Variants in IQCM observed in about 807,000 individuals in gnomAD.
IQCM encodes the protein IQ motif containing M.
IQCM carries 45 observed loss-of-function variants against 57.6 expected under a neutral mutation model. The observed-to-expected ratio is 0.78, with a 90% confidence interval of 0.62 to 1.00. IQCM has a LOEUF of 1.00. Among genes scored for constraint, IQCM ranks in the 50% least tolerant of loss-of-function variants. IQCM has a pLI of 0.00. For synonymous variants in IQCM, 148 were observed against 158.9 expected (o/e 0.93, Z 0.51); for missense variants, 468 against 511.6 (o/e 0.91, Z 0.82).
At chr4:149,755,788 G>T (rs1040105259) in intron 2 of IQCM, among the ~76,000 whole-genome samples, 2 of 152,160 alleles carry the variant, frequency 1.3e-5, no homozygotes, top group Non-Finnish European at 2.9e-5. Context: ...TGAAGTTGAA[G>T]TATGGCAAGT....
At chr4:149,783,146 A>G (rs1192105071) in intron 2 of IQCM, among the ~76,000 whole-genome samples, 1 of 152,188 alleles carries the variant, frequency 6.6e-6, no homozygotes, top group East Asian at 1.9e-4. Flanking sequence ...CCACTTGGCT[A>G]TCTAACCAGC....
At chr4:149,386,472 T>C (rs547119526) in intron 13 of IQCM, among the ~76,000 whole-genome samples, 21 of 152,232 alleles carry the variant, frequency 1.4e-4, no homozygotes, top group Non-Finnish European at 2.2e-4. Flanking sequence ...AATTTCAACA[T>C]ATTTAATTAT....
chr4:149,361,340 C>A (rs1380696404), intron 13 of IQCM, among the ~76,000 whole-genome samples: 2 of 152,166 alleles, frequency 1.3e-5, no homozygotes, highest in African/African-American at 4.8e-5. Context: ...AAGCTGGCTG[C>A]AGAAATTTGC....
intron 12 of IQCM, among the ~76,000 whole-genome samples, chr4:149,437,774 A>G (rs919052082): frequency 6.6e-6 from 1 of 152,108 alleles, no homozygotes; most frequent in East Asian, 1.9e-4. Flanking sequence ...AAAAAGAAAG[A>G]GCATCTATTG....
At chr4:149,522,724 G>T (rs147449661) in intron 12 of IQCM, among the ~76,000 whole-genome samples, 2 of 152,126 alleles carry the variant, frequency 1.3e-5, no homozygotes, top group African/African-American at 2.4e-5. Context: ...TAAGAAAAAA[G>T]TAACTACAGA....
intron 12 of IQCM, among the ~76,000 whole-genome samples, chr4:149,521,416 C>G (rs977373978): frequency 1.3e-5 from 2 of 152,172 alleles, no homozygotes; most frequent in Non-Finnish European, 2.9e-5. Context: ...TACCTACTCA[C>G]AATTTCCATA....
intron 12 of IQCM, among the ~76,000 whole-genome samples, chr4:149,506,447 G>T (rs1743823153): frequency 1.3e-5 from 2 of 152,154 alleles, no homozygotes; most frequent in Non-Finnish European, 2.9e-5. Flanking sequence ...CCATAGATGT[G>T]GGGCAAGAGG....
chr4:149,461,783 T>C (rs892231680), intron 12 of IQCM, among the ~76,000 whole-genome samples: 2 of 151,780 alleles, frequency 1.3e-5, no homozygotes, highest in African/African-American at 4.8e-5. Flanking sequence ...AAATTTCTTA[T>C]CAATGGCAAC....
intron 13 of IQCM, among the ~76,000 whole-genome samples, chr4:149,375,625 G>T (rs1019682780): frequency 6.6e-6 from 1 of 152,032 alleles, no homozygotes; most frequent in African/African-American, 2.4e-5. Flanking sequence ...TTTTGTCATT[G>T]GTCTCTTTCC....
chr4:149,682,329 A>T, intron 6 of IQCM, 123 bp from the exon 7 acceptor site: 1 of 397,430 alleles, frequency 2.5e-6, no homozygotes, highest in Non-Finnish European at 4.4e-6. Flanking sequence ...GGTCAACAGG[A>T]CTACACCTGT....
intron 2 of IQCM, among the ~76,000 whole-genome samples, chr4:149,766,448 T>C (rs898953349): frequency 6.6e-6 from 1 of 152,112 alleles, no homozygotes; most frequent in Non-Finnish European, 1.5e-5. Flanking sequence ...GACTTGTCGT[T>C]TCAGGCTTAA....
intron 13 of IQCM, among the ~76,000 whole-genome samples, chr4:149,359,362 AATG>A (rs1180680884): frequency 2.6e-5 from 4 of 152,226 alleles, no homozygotes; most frequent in African/African-American, 2.4e-5. Flanking sequence ...CCAAAATATT[AATG>A]ATGAGTTTGG....
At chr4:149,757,369 AT>A (rs147281755) in intron 2 of IQCM, among the ~76,000 whole-genome samples, 12,835 of 151,920 alleles carry the variant, frequency 0.084, 830 homozygotes, top group East Asian at 0.23. Flanking sequence ...GTACAAAAAA[AT>A]AAACAGATTC....
chr4:149,723,818 G>A (rs1321362302), intron 5 of IQCM, among the ~76,000 whole-genome samples: 1 of 151,862 alleles, frequency 6.6e-6, no homozygotes, highest in African/African-American at 2.4e-5. Flanking sequence ...GAGTTAGGGT[G>A]GATTTCCTCC....
chr4:149,695,541 G>C (rs1306879400), intron 5 of IQCM, among the ~76,000 whole-genome samples: 1 of 152,128 alleles, frequency 6.6e-6, no homozygotes, highest in Non-Finnish European at 1.5e-5. Context: ...CTTTTCAAGA[G>C]TTATGTGGTT....
intron 8 of IQCM, among the ~76,000 whole-genome samples, chr4:149,617,191 G>A (rs1018497818): frequency 2.6e-5 from 4 of 152,010 alleles, no homozygotes; most frequent in Non-Finnish European, 5.9e-5. Flanking sequence ...TCAACCTCAG[G>A]TGATCCACCT....
intron 12 of IQCM, among the ~76,000 whole-genome samples, chr4:149,527,709 T>C (rs1017246810): frequency 2.0e-5 from 3 of 152,342 alleles, no homozygotes; most frequent in Admixed American, 2.0e-4. Context: ...CCCAAGATTA[T>C]ACAGCTAGTT....
intron 7 of IQCM, chr4:149,665,981 G>T (rs1760686679): frequency 6.6e-6 from 1 of 152,152 alleles, no homozygotes; most frequent in South Asian, 2.1e-4. Flanking sequence ...GGTCTCTCAG[G>T]CCTTTGGCCA....
chr4:149,666,642 T>C (rs1760750854), intron 7 of IQCM, among the ~76,000 whole-genome samples: 2 of 152,140 alleles, frequency 1.3e-5, no homozygotes, highest in Non-Finnish European at 2.9e-5. Context: ...CAGTGGATCC[T>C]ACCCCTACAG....
Sources: gnomAD v4.1 joint callset for allele counts (sites outside exome capture counted in the v4.1 genomes callset) on GRCh38, gnomAD v4.1.1 for gene constraint, MANE v1.5 for transcripts, NCBI Gene and HGNC (gene_info 2026-07-23, HGNC 2026-07-21) for gene names.